EML4: variants seen among roughly 807,000 people sequenced by gnomAD.
EML4 encodes the protein EMAP like 4, also known as echinoderm microtubule-associated protein-like 4.
Under a neutral mutation model 129.0 loss-of-function variants are expected in EML4, and 72 were observed. That is an observed-to-expected ratio of 0.56 (90% CI 0.46 to 0.68). EML4 has a LOEUF of 0.68. Ranked by LOEUF, EML4 falls within the 30% of genes least tolerant of loss-of-function variation. EML4 has a pLI of 0.00. For missense variants in EML4, 1,363 were observed against 1,190.6 expected (o/e 1.14, Z -2.13); for synonymous variants, 532 against 405.0 (o/e 1.31, Z -3.77).
At chr2:42,310,006 A>G (rs919935075) in intron 17 of EML4, among the ~76,000 whole-genome samples, 1 of 152,178 alleles carries the variant, frequency 6.6e-6, no homozygotes. Context: ...GTTAATCTTC[A>G]TATATAGTAT....
chr2:42,255,701 T>C (rs1676097448), intron 2 of EML4, among the ~76,000 whole-genome samples: 1 of 152,230 alleles, frequency 6.6e-6, no homozygotes, highest in African/African-American at 2.4e-5. Context: ...TCCTGCTTCC[T>C]GTCTTCTAAT....
At chr2:42,224,367 G>A (rs1272633714) in intron 1 of EML4, among the ~76,000 whole-genome samples, 1 of 152,146 alleles carries the variant, frequency 6.6e-6, no homozygotes, top group Non-Finnish European at 1.5e-5. Context: ...CCATGTTGCA[G>A]CATGTATCAC....
chr2:42,173,427 A>G lies in EML4; in HGVS notation c.25+3791A>G, dbSNP rs370245314. Among the ~76,000 whole-genome samples the G allele has an allele frequency of 1.2e-4, 19 of 152,308 alleles. No individual in the cohort carries two copies. The South Asian group carries it at 3.7e-3, about 30-fold the overall frequency. ...AGAGCATCTTCAACATGAGTTAGCT[A>G]GAGTGTTTTTCAACATATGTATGGA... On this transcript the variant is annotated intron_variant, in intron 1 of 22. Transcript: ENST00000318522.
chr2:42,269,754 A>G (rs1163184612), intron 6 of EML4, among the ~76,000 whole-genome samples: 1 of 152,246 alleles, frequency 6.6e-6, no homozygotes, highest in Non-Finnish European at 1.5e-5. Flanking sequence ...TGCTCTATTA[A>G]GGAATAGCAA....
intron 4 of EML4, among the ~76,000 whole-genome samples, chr2:42,261,931 A>T (rs2104385885): frequency 6.6e-6 from 1 of 152,280 alleles, no homozygotes; most frequent in South Asian, 2.1e-4. Flanking sequence ...TGTGAGCCTA[A>T]ATTGAGAATC....
intron 1 of EML4, among the ~76,000 whole-genome samples, chr2:42,207,226 A>G (rs1672610467): frequency 1.3e-5 from 2 of 152,208 alleles, no homozygotes; most frequent in African/African-American, 2.4e-5. Context: ...ATTTTTAAAT[A>G]CAACCAAAAC....
chr2:42,314,915 CGTT>C (rs1460878087), intron 17 of EML4, among the ~76,000 whole-genome samples: 3 of 152,144 alleles, frequency 2.0e-5, no homozygotes, highest in Non-Finnish European at 2.9e-5. Context: ...GGATTTAAGT[CGTT>C]GTTTTACGTC....
chr2:42,191,614 T>A (rs1671584565), intron 1 of EML4, among the ~76,000 whole-genome samples: 1 of 152,216 alleles, frequency 6.6e-6, no homozygotes, highest in African/African-American at 2.4e-5. Flanking sequence ...AATTATGAAT[T>A]AGCCACCCCA....
chr2:42,202,374 A>G (rs1280011233), intron 1 of EML4, among the ~76,000 whole-genome samples: 1 of 151,804 alleles, frequency 6.6e-6, no homozygotes, highest in Non-Finnish European at 1.5e-5. Flanking sequence ...TGTTCTCTAG[A>G]TAGAAGGATT....
chr2:42,306,923 G>C (rs114599913), intron 17 of EML4, among the ~76,000 whole-genome samples: 2,452 of 152,246 alleles, frequency 0.016, 62 homozygotes, highest in African/African-American at 0.056. Flanking sequence ...CTCAGGTTCT[G>C]CATGGTTCCA....
chr2:42,295,026 A>C (rs565539115), intron 11 of EML4, 99 bp from the exon 12 acceptor site: 18 of 1,097,744 alleles, frequency 1.6e-5, no homozygotes, highest in Non-Finnish European at 2.1e-5. Context: ...TTTTCTCAAA[A>C]TCTTGCCCTA....
At chr2:42,327,654 T>C (rs1305598520) in intron 21 of EML4, among the ~76,000 whole-genome samples, 3 of 152,342 alleles carry the variant, frequency 2.0e-5, no homozygotes, top group African/African-American at 7.2e-5. Context: ...CCTCTATGAC[T>C]GTTTTCTAAG....
Position 42,327,384 on chromosome 2 carries a change from T to A in EML4, c.2341+1132T>A, listed in dbSNP as rs140111887. ...CTAGGAGTAGAATTGCTGAGTCAAATGGTAACTGTATGTTTACTCTTTTGA... is the reference window on the plus strand; with the variant it reads ...CTAGGAGTAGAATTGCTGAGTCAAAAGGTAACTGTATGTTTACTCTTTTGA... On this transcript the variant is annotated intron_variant, in intron 21 of 22. Transcript: ENST00000318522. 8.2e-4 allele frequency among the ~76,000 whole-genome samples: 125 copies of A among 152,346 alleles called. 1 individual carries two copies. Among genetic ancestry groups the A allele is most frequent in the Non-Finnish European group, 1.3e-4 (9 of 68,026 alleles).
intron 6 of EML4, among the ~76,000 whole-genome samples, chr2:42,271,186 G>A (rs1666343202): frequency 1.3e-5 from 2 of 152,236 alleles, no homozygotes; most frequent in Admixed American, 6.5e-5. Flanking sequence ...GAGCCACTGT[G>A]CCTGGCTAGT....
chr2:42,258,650 T>G (rs1665513878), intron 3 of EML4, among the ~76,000 whole-genome samples: 1 of 152,100 alleles, frequency 6.6e-6, no homozygotes, highest in African/African-American at 2.4e-5. Context: ...TCCGCCCGCC[T>G]TAACCTCCCA....
chr2:42,318,130 C>T (rs1053042469), intron 19 of EML4, among the ~76,000 whole-genome samples: 2 of 152,184 alleles, frequency 1.3e-5, no homozygotes, highest in Non-Finnish European at 2.9e-5. Flanking sequence ...ATATGTACAA[C>T]ATGTGTTCCT....
At chr2:42,285,147 G>C (rs1667220010) in intron 9 of EML4, among the ~76,000 whole-genome samples, 1 of 152,018 alleles carries the variant, frequency 6.6e-6, no homozygotes. Context: ...GGGCTCAAGT[G>C]ATCCTCCAGC....
intron 1 of EML4, among the ~76,000 whole-genome samples, chr2:42,183,006 A>C (rs1671037408): frequency 6.6e-6 from 1 of 152,156 alleles, no homozygotes; most frequent in Non-Finnish European, 1.5e-5. Context: ...AGTACAAAAA[A>C]TTAGCCAGGC....
rs954873385 is a variant in EML4 at position 42,194,453 on chromosome 2, G to A, written c.25+24817G>A. Among the ~76,000 whole-genome samples, 3 of 149,684 alleles carry A rather than the reference G, an allele frequency of 2.0e-5. No individual in the cohort carries two copies. In the South Asian group the frequency reaches 6.3e-4, roughly 31 times the overall value. The stretch of plus-strand genomic sequence containing the variant: ...TGTGAATATTTTCCCCTACATTGTG[G>A]CTTGCCTGGTTACTTTTTTAGTGAT... On this transcript the variant is annotated intron_variant, in intron 1 of 22. Coordinates refer to ENST00000318522, the MANE Select transcript of EML4 (RefSeq NM_019063.5).
Sources: allele counts gnomAD v4.1 joint callset (sites outside exome capture counted in the v4.1 genomes callset), GRCh38; gene constraint gnomAD v4.1.1; transcripts MANE v1.5; gene names NCBI Gene and HGNC (gene_info 2026-07-23, HGNC 2026-07-21).